The following CDCA7L variants were observed in gnomAD, a reference collection of about 807,000 sequenced individuals.
CDCA7L encodes the protein cell division cycle associated 7 like.
CDCA7L carries 44 observed loss-of-function variants against 57.4 expected under a neutral mutation model. The ratio of observed to expected loss-of-function variants is 0.77; its 90% CI spans 0.60 to 0.98. The LOEUF is 0.98. Among genes scored for constraint, CDCA7L ranks in the 50% least tolerant of loss-of-function variants. CDCA7L has a pLI of 0.00. For synonymous variants in CDCA7L, 236 were observed against 202.8 expected (o/e 1.16, Z -1.39); for missense variants, 644 against 580.6 (o/e 1.11, Z -1.12).
At chr7:21,929,793 C>G (rs994074381) in intron 1 of CDCA7L, among the ~76,000 whole-genome samples, 5 of 152,024 alleles carry the variant, frequency 3.3e-5, no homozygotes, top group African/African-American at 1.2e-4. Flanking sequence ...ATATATGCAC[C>G]CAATACAGGA....
At chr7:21,929,085 C>G (rs1410343688) in intron 1 of CDCA7L, among the ~76,000 whole-genome samples, 1 of 152,020 alleles carries the variant, frequency 6.6e-6, no homozygotes, top group Non-Finnish European at 1.5e-5. Context: ...AAAGGGAAGC[C>G]CATCAGACTA....
At chr7:21,941,696 C>G (rs535991504) in intron 1 of CDCA7L, among the ~76,000 whole-genome samples, 27 of 152,258 alleles carry the variant, frequency 1.8e-4, no homozygotes, top group Non-Finnish European at 3.2e-4. Flanking sequence ...CACCAAGGCC[C>G]GGTGATTCCA....
intron 2 of CDCA7L, among the ~76,000 whole-genome samples, chr7:21,912,908 A>G (rs1217336509): frequency 1.3e-5 from 2 of 152,170 alleles, no homozygotes; most frequent in Admixed American, 1.3e-4. Context: ...TCTTAATAGT[A>G]TACTTGAAAG....
Position 21,906,470 on chromosome 7 carries a change from CACAG to C in CDCA7L, c.754-18_754-15del, listed in dbSNP as rs772970536. 58 of 1,609,910 alleles carry C rather than the reference CACAG, an allele frequency of 3.6e-5. No individual in the cohort carries two copies. The highest frequency in any genetic ancestry group is 1.6e-4 in the African/African-American group (12 of 74,770). On this transcript the variant is annotated splice_polypyrimidine_tract_variant and intron_variant, in intron 5 of 9. Transcript: ENST00000406877. ...TGTCTTCTTCCTCTGAAATCAAGAG[CACAG>C]ACAGAGACAACTGGGGACTCTCTCG...
intron 1 of CDCA7L, among the ~76,000 whole-genome samples, chr7:21,925,405 A>G (rs1785792264): frequency 6.6e-6 from 1 of 152,224 alleles, no homozygotes; most frequent in African/African-American, 2.4e-5. Context: ...AAACACTTCT[A>G]TACAGAACTG....
chr7:21,902,228 C>G lies in CDCA7L; in HGVS notation c.*94G>C. 5.5e-6 allele frequency: 6 copies of G among 1,100,782 alleles called. No individual in the cohort carries two copies. The Middle Eastern group carries it at 1.0e-3, about 183-fold the overall frequency. 68.2% of individuals were successfully genotyped at this position (1,100,782 alleles called of 1,614,324 possible). ...TCTACAAAGAATTTCTGTATAAAAACACAACTGTAAAAAAATCTTTCTTAG... is the reference window on the plus strand; with the variant it reads ...TCTACAAAGAATTTCTGTATAAAAAGACAACTGTAAAAAAATCTTTCTTAG... On this transcript the variant is annotated 3_prime_UTR_variant, in exon 10 of 10. Coordinates refer to ENST00000406877, the MANE Select transcript of CDCA7L (RefSeq NM_018719.5).
intron 1 of CDCA7L, among the ~76,000 whole-genome samples, chr7:21,940,001 A>G (rs1361732271): frequency 2.0e-5 from 3 of 149,094 alleles, no homozygotes; most frequent in Non-Finnish European, 4.4e-5. Context: ...CGTCTTGTTC[A>G]CATTACATGT....
chr7:21,915,422 G>A (rs1411426260), intron 2 of CDCA7L, among the ~76,000 whole-genome samples: 1 of 149,254 alleles, frequency 6.7e-6, no homozygotes, highest in Non-Finnish European at 1.5e-5. Context: ...CAACAGACAA[G>A]ATTCACTAAG....
chr7:21,902,347 T>G lies in CDCA7L; in HGVS notation c.1340A>C (p.Gln447Pro). ...TTAATTGTCTTCTACCAGCTCCTTT[T>G]GTAAGCTGGGAAAAAGATGAGAAGT... Reference protein sequence around the residue: ...DNVKEYLESLQKELVEDN With the variant: ...DNVKEYLESLPKELVEDN Residue 447 changes from glutamine (Q) to proline (P), a missense_variant, in exon 10 of 10, where the codon CAA (glutamine) becomes CCA (proline). Physicochemically the swap from Gln to Pro is moderately conservative, Grantham distance 76 (BLOSUM62 -1). Transcript: ENST00000406877. 1.2e-6 allele frequency: 2 copies of G among 1,613,926 alleles called. No homozygotes were observed. Among genetic ancestry groups the G allele is most frequent in the Non-Finnish European group, 1.7e-6 (2 of 1,179,850 alleles).
chr7:21,906,699 C>A, intron 4 of CDCA7L, 60 bp from the exon 5 acceptor site: 1 of 1,498,356 alleles, frequency 6.7e-7, no homozygotes, highest in Non-Finnish European at 9.3e-7. Context: ...TTAGGTCATC[C>A]AACACCTATC....
At position 21,902,286 on chromosome 7, in the gene CDCA7L, T is replaced by G. The variant is rs1375115715; in HGVS notation, c.*36A>C. 2 of 1,606,614 alleles carry G rather than the reference T, an allele frequency of 1.2e-6. No individual in the cohort carries two copies. Among genetic ancestry groups the G allele is most frequent in the East Asian group, 4.5e-5 (2 of 44,856 alleles). On this transcript the variant is annotated 3_prime_UTR_variant, in exon 10 of 10. Transcript: ENST00000406877. ...TGGTATGCATGTCTTGTTGGAGTAC[T>G]CTATGGTGAGGTGGCTGGTTCTGTT...
intron 1 of CDCA7L, among the ~76,000 whole-genome samples, chr7:21,935,161 A>T (rs1786126178): frequency 6.6e-6 from 1 of 152,214 alleles, no homozygotes; most frequent in South Asian, 2.1e-4. Flanking sequence ...ACAAGTGTGA[A>T]TATATTTTTA....
intron 6 of CDCA7L, 82 bp from the exon 7 acceptor site, chr7:21,905,713 C>T: frequency 2.8e-6 from 4 of 1,434,986 alleles, no homozygotes; most frequent in Non-Finnish European, 3.7e-6. Context: ...TCTCAAAGAT[C>T]TAGCACCATT....
chr7:21,932,529 C>A (rs529622326), intron 1 of CDCA7L, among the ~76,000 whole-genome samples: 2 of 152,306 alleles, frequency 1.3e-5, no homozygotes, highest in African/African-American at 4.8e-5. Flanking sequence ...TTTGACAAAT[C>A]TGACAAAAAC....
intron 4 of CDCA7L, among the ~76,000 whole-genome samples, chr7:21,906,887 A>G (rs1329960163): frequency 6.6e-6 from 1 of 152,162 alleles, no homozygotes; most frequent in Non-Finnish European, 1.5e-5. Flanking sequence ...ACACAACACT[A>G]TGAAAACAGT....
In CDCA7L at chr7:21,902,232, A is replaced by G. The variant is rs1784920415; in HGVS notation, c.*90T>C. ...CAAAGAATTTCTGTATAAAAACACA[A>G]CTGTAAAAAAATCTTTCTTAGGCAC... On this transcript the variant is annotated 3_prime_UTR_variant, in exon 10 of 10. Transcript: ENST00000406877. The G allele has an allele frequency of 3.6e-6, 4 of 1,100,774 alleles. No individual in the cohort carries two copies. In the African/African-American group the frequency reaches 5.7e-5, roughly 16 times the overall value. The allele number at this position is 1,100,774 out of a possible 1,614,324, so 68.2% of individuals were successfully genotyped here.
At chr7:21,919,194 T>C (rs1365322599) in intron 1 of CDCA7L, among the ~76,000 whole-genome samples, 3 of 152,280 alleles carry the variant, frequency 2.0e-5, no homozygotes, top group Middle Eastern at 3.4e-3. Flanking sequence ...CTGGCATTCT[T>C]GTATAATATA....
At chr7:21,929,874 G>T (rs1327465426) in intron 1 of CDCA7L, among the ~76,000 whole-genome samples, 1 of 152,034 alleles carries the variant, frequency 6.6e-6, no homozygotes, top group Non-Finnish European at 1.5e-5. Context: ...ATAATAGTGG[G>T]AGACTTTAAC....
intron 1 of CDCA7L, among the ~76,000 whole-genome samples, chr7:21,920,637 T>G (rs1047670654): frequency 1.9e-4 from 29 of 152,238 alleles, no homozygotes; most frequent in Admixed American, 1.3e-3. Context: ...CCACACGTAG[T>G]GCAGCACTAG....
Sources: allele counts gnomAD v4.1 joint callset (sites outside exome capture counted in the v4.1 genomes callset), GRCh38; gene constraint gnomAD v4.1.1; transcripts MANE v1.5; gene names NCBI Gene and HGNC (gene_info 2026-07-23, HGNC 2026-07-21).